Variants in FREM1 observed in about 807,000 individuals in gnomAD.
The protein encoded by FREM1 is FRAS1-related extracellular matrix protein 1.
Under a neutral mutation model 210.1 loss-of-function variants are expected in FREM1, and 220 were observed. The ratio of observed to expected loss-of-function variants is 1.05; its 90% CI spans 0.94 to 1.17. FREM1 has a LOEUF of 1.17. Among genes scored for constraint, FREM1 ranks in the 50% most tolerant of loss-of-function variants. The probability of loss-of-function intolerance (pLI) is 0.00; values close to 1 mark genes in which losing one functional copy is unlikely to be tolerated. For missense variants in FREM1, 3,454 were observed against 2,675.5 expected (o/e 1.29, Z -6.42); for synonymous variants, 1,189 against 980.2 (o/e 1.21, Z -3.98).
At chr9:14,908,555 A>G (rs978533528) in intron 1 of FREM1, among the ~76,000 whole-genome samples, 1 of 152,208 alleles carries the variant, frequency 6.6e-6, no homozygotes, top group Non-Finnish European at 1.5e-5. Context: ...GAAGCAAGAA[A>G]AAAAAAAGAT....
At chr9:14,807,903 C>G (rs1450098737) in intron 17 of FREM1, 37 bp downstream of exon 17, 9 of 1,460,120 alleles carry the variant, frequency 6.2e-6, no homozygotes, top group Non-Finnish European at 7.6e-6. Flanking sequence ...GACACTAGGT[C>G]AGACAATAGT....
intron 3 of FREM1, among the ~76,000 whole-genome samples, chr9:14,860,572 C>CATAT (rs759870876): frequency 3.0e-4 from 26 of 87,982 alleles, no homozygotes; most frequent in Admixed American, 5.0e-4. Flanking sequence ...TATATATACA[C>CATAT]ATATATATAC....
intron 10 of FREM1, among the ~76,000 whole-genome samples, chr9:14,830,974 T>C (rs1823451998): frequency 6.6e-6 from 1 of 152,214 alleles, no homozygotes; most frequent in Admixed American, 6.5e-5. Context: ...ACCTAGTATA[T>C]ACGCTTATTG....
chr9:14,748,530 G>A lies in FREM1; in HGVS notation c.5667C>T (p.Ser1889=). 1 of 1,613,830 alleles carries A rather than the reference G, an allele frequency of 6.2e-7. No homozygotes were observed. Among genetic ancestry groups the A allele is most frequent in the Non-Finnish European group, 8.5e-7 (1 of 1,179,764 alleles). The part of the protein sequence containing the change: ...PGSSSSTTSG[S]FHLERRPLPS... Reference sequence around the variant, plus strand: ...GAAGAGGTCTTCTTTCCAGATGAAAGGAACCAGAAGTGGTGGATGAGGAAG... The same window carrying A: ...GAAGAGGTCTTCTTTCCAGATGAAAAGAACCAGAAGTGGTGGATGAGGAAG... Residue 1889 remains serine (S), a synonymous_variant, in exon 31 of 37, where the codon TCC becomes TCT. Coordinates refer to ENST00000380880, the MANE Select transcript of FREM1 (RefSeq NM_001379081.2).
chr9:14,851,706 C>A, intron 5 of FREM1, 99 bp from the exon 6 acceptor site: 2 of 955,954 alleles, frequency 2.1e-6, no homozygotes, highest in Non-Finnish European at 3.4e-6. Context: ...CACAGCCTAG[C>A]GTCTAGCAGT....
In FREM1 at chr9:14,812,111, T is replaced by C. The variant is rs548444507; in HGVS notation, c.2893+701A>G. ...CATGCAAATGGGTTTTGTCTACCCA[T>C]TTAAGTTCAAAGTCTTTCATAGCAG... On this transcript the variant is annotated intron_variant, in intron 16 of 36. Coordinates refer to ENST00000380880, the MANE Select transcript of FREM1 (RefSeq NM_001379081.2). Among the ~76,000 whole-genome samples the C allele has an allele frequency of 1.0e-3, 155 of 152,286 alleles. 1 individual carries two copies. The highest frequency in any genetic ancestry group is 1.3e-3 in the Non-Finnish European group (91 of 68,020).
In FREM1 at chr9:14,823,331, C is replaced by A. The variant is rs753054123; in HGVS notation, c.2170-4G>T. ...CTTTCATATAGTTCACAGCATGCTG[C>A]AAAGTAAGTTGAGATGGATATGTGG... On this transcript the variant is annotated splice_polypyrimidine_tract_variant and splice_region_variant and intron_variant, in intron 12 of 36. Coordinates refer to ENST00000380880, the MANE Select transcript of FREM1 (RefSeq NM_001379081.2). The A allele has an allele frequency of 6.2e-7, 1 of 1,611,356 alleles. No homozygotes were observed. The highest frequency in any genetic ancestry group is 8.5e-7 in the Non-Finnish European group (1 of 1,178,310).
At chr9:14,759,960 C>A (rs1845189495) in intron 27 of FREM1, 59 bp from the exon 28 acceptor site, 1 of 1,414,094 alleles carries the variant, frequency 7.1e-7, no homozygotes, top group Admixed American at 2.1e-5. Context: ...TATAGGGATT[C>A]TCTGCTGAGC....
Position 14,737,498 on chromosome 9 carries a change from C to T in FREM1, c.6438G>A (p.Lys2146=). The change falls in exon 37 of 37, where the codon AAG becomes AAA. Residue 2146 remains lysine (K), a synonymous_variant. Transcript: ENST00000380880. Reference sequence around the variant, plus strand: ...GAACCAAAACACAGCTCTTTCCAAGCTTGGAGCGTTGAGAGGGCCCTCTTC... The same window carrying T: ...GAACCAAAACACAGCTCTTTCCAAGTTTGGAGCGTTGAGAGGGCCCTCTTC... ...NGRRGPSQRS[K]LGKSCVLVQR... is the part of the protein sequence containing the mutation. 1 of 1,613,616 alleles carries T rather than the reference C, an allele frequency of 6.2e-7. No individual in the cohort carries two copies. Among genetic ancestry groups the T allele is most frequent in the Non-Finnish European group, 8.5e-7 (1 of 1,179,712 alleles).
At position 14,748,464 on chromosome 9, in the gene FREM1, C is replaced by T. The variant is rs771924413; in HGVS notation, c.5733G>A (p.Leu1911=). Residue 1911 remains leucine, a synonymous_variant, in exon 31 of 37, where the codon CTG becomes CTA. Coordinates refer to ENST00000380880, the MANE Select transcript of FREM1 (RefSeq NM_001379081.2). ...AAAGATCTGTAGAATCAAAGCCCCG[C>T]AGGGTGTCTCCCCTGATGACTGCTA... ...MQLAVIRGDT[L]RGFDSTDLSQ... 6.2e-7 allele frequency: 1 copy of T among 1,613,872 alleles called. No homozygotes were observed. Among genetic ancestry groups the T allele is most frequent in the South Asian group, 1.1e-5 (1 of 91,072 alleles).
intron 1 of FREM1, among the ~76,000 whole-genome samples, chr9:14,904,866 T>C (rs1340780116): frequency 6.6e-6 from 1 of 152,148 alleles, no homozygotes; most frequent in Non-Finnish European, 1.5e-5. Flanking sequence ...AAACTCACCA[T>C]ATTGCCAACC....
At chr9:14,891,916 G>C (rs1051825192) in intron 1 of FREM1, among the ~76,000 whole-genome samples, 1 of 152,174 alleles carries the variant, frequency 6.6e-6, no homozygotes, top group Non-Finnish European at 1.5e-5. Flanking sequence ...GTGGGAGGGA[G>C]ATTTATAATC....
rs746516776 is a variant in FREM1 at position 14,747,268 on chromosome 9, C to G, written c.6005G>C (p.Arg2002Thr). 6.2e-7 allele frequency: 1 copy of G among 1,611,376 alleles called. No individual in the cohort carries two copies. The highest frequency in any genetic ancestry group is 1.7e-4 in the Middle Eastern group (1 of 6,046). Residue 2002 changes from arginine (R) to threonine (T), a missense_variant, in exon 33 of 37, where the codon AGA becomes ACA. Arg to Thr is a moderately conservative substitution (Grantham distance 71, BLOSUM62 -1). Coordinates refer to ENST00000380880, the MANE Select transcript of FREM1 (RefSeq NM_001379081.2). Reference protein sequence around the residue: ...VESTTDSHFPRQDQLPSFPKN... With the variant: ...VESTTDSHFPTQDQLPSFPKN... Reference sequence around the variant, plus strand: ...AAGGAACAAAGATTTTCATACCTGTCTGGGGAAGTGTGAGTCAGTTGTGGA... The same window carrying G: ...AAGGAACAAAGATTTTCATACCTGTGTGGGGAAGTGTGAGTCAGTTGTGGA...
At chr9:14,847,807 T>A (rs576053232) in intron 7 of FREM1, among the ~76,000 whole-genome samples, 6 of 152,284 alleles carry the variant, frequency 3.9e-5, no homozygotes, top group African/African-American at 1.4e-4. Context: ...ATCTCTACAC[T>A]CAGGCAGGAG....
chr9:14,842,183 T>A, intron 9 of FREM1, 133 bp downstream of exon 9: 1 of 608,932 alleles, frequency 1.6e-6, no homozygotes, highest in Non-Finnish European at 2.9e-6. Flanking sequence ...AAAAATACTA[T>A]CTTACTTCAG....
At position 14,775,929 on chromosome 9, in the gene FREM1, C is replaced by T. The variant is rs745518202; in HGVS notation, c.4717G>A (p.Asp1573Asn). The part of the protein sequence containing the change: ...LQHNFTQQDV[D>N]SKNVAYRHSG... Reference sequence around the variant, plus strand: ...TGCCGATAGGCCACATTCTTGCTGTCCACATCCTGCTGGGTGAAATTGTGT... The same window carrying T: ...TGCCGATAGGCCACATTCTTGCTGTTCACATCCTGCTGGGTGAAATTGTGT... The change falls in exon 25 of 37, where the codon GAC becomes AAC. Residue 1573 changes from aspartate to asparagine, a missense_variant. Transcript: ENST00000380880. The T allele has an allele frequency of 1.9e-6, 3 of 1,613,960 alleles. No homozygotes were observed. Among genetic ancestry groups the T allele is most frequent in the Non-Finnish European group, 2.5e-6 (3 of 1,179,878 alleles).
intron 1 of FREM1, among the ~76,000 whole-genome samples, chr9:14,905,691 G>T (rs1490627607): frequency 1.3e-5 from 2 of 152,096 alleles, no homozygotes; most frequent in Non-Finnish European, 2.9e-5. Flanking sequence ...GAGTTCAAGA[G>T]CAGCCTGGCC....
chr9:14,872,845 C>G (rs1357236562), intron 1 of FREM1, among the ~76,000 whole-genome samples: 1 of 152,014 alleles, frequency 6.6e-6, no homozygotes, highest in Non-Finnish European at 1.5e-5. Context: ...TATGTCCCAT[C>G]AATACCTAAT....
At chr9:14,894,654 T>A (rs1380038115) in intron 1 of FREM1, among the ~76,000 whole-genome samples, 1 of 152,228 alleles carries the variant, frequency 6.6e-6, no homozygotes, top group Non-Finnish European at 1.5e-5. Context: ...TTTTGTTTTT[T>A]TAGAACCAAG....
Sources: allele counts gnomAD v4.1 joint callset (sites outside exome capture counted in the v4.1 genomes callset), GRCh38; gene constraint gnomAD v4.1.1; transcripts MANE v1.5; gene names NCBI Gene and HGNC (gene_info 2026-07-23, HGNC 2026-07-21).